Variants in C10orf143 observed in about 807,000 individuals in gnomAD.
The protein encoded by C10orf143 is uncharacterized protein C10orf143.
rs138028471 is a variant in C10orf143, at chr10:130,065,499, T to C, written c.298-1116A>G. On this transcript the variant is annotated intron_variant, in intron 3 of 3. Coordinates refer to ENST00000637128, the MANE Select transcript of C10orf143 (RefSeq NM_001355042.2). The surrounding 1 kb of genome is among the most constrained non-coding windows in gnomAD (Gnocchi z 4.2). The stretch of plus-strand genomic sequence containing the variant: ...AAGCTGTGGCGGCTGGAGCAGGGGC[T>C]TGTGGCGCACATGGCAGGGATGGGA... 5.7e-3 allele frequency: 873 copies of C among 153,036 alleles called. 7 individuals carry two copies. Among genetic ancestry groups the C allele is most frequent in the African/African-American group, 0.02 (813 of 41,520 alleles). The allele number at this position is 153,036 out of a possible 1,614,324, so 9.5% of individuals were successfully genotyped here.
chr10:130,106,855 T>A, intron 1 of C10orf143: 1 of 1,142,612 alleles, frequency 8.8e-7, no homozygotes, highest in Non-Finnish European at 1.3e-6. Flanking sequence ...TGACTGAACA[T>A]TTGCTAAAGA....
At chr10:130,082,674 C>T (rs1490707293) in intron 1 of C10orf143, among the ~76,000 whole-genome samples, 24 of 152,176 alleles carry the variant, frequency 1.6e-4, no homozygotes, top group Admixed American at 1.6e-3. Context: ...ACTTTGAGTC[C>T]ATTAAACTTC....
chr10:130,060,998 C>T (rs546286715), downstream of C10orf143, among the ~76,000 whole-genome samples: 27 of 152,136 alleles, frequency 1.8e-4, no homozygotes, highest in African/African-American at 5.5e-4. Context: ...ATTAGCCAGG[C>T]GTGGTGACAC....
intron 3 of C10orf143, among the ~76,000 whole-genome samples, chr10:130,044,286 C>A (rs1271442658): frequency 6.6e-6 from 1 of 152,168 alleles, no homozygotes; most frequent in South Asian, 2.1e-4. Flanking sequence ...GAGCTGGGAA[C>A]TGGAGGTGAG....
intron 3 of C10orf143, among the ~76,000 whole-genome samples, chr10:130,054,653 G>T (rs1469312076): frequency 1.3e-5 from 2 of 152,188 alleles, no homozygotes; most frequent in Non-Finnish European, 2.9e-5. Context: ...GGGTATGGCT[G>T]CCAATTTCTT....
At chr10:130,040,702 G>T (rs536134486) in intron 3 of C10orf143, among the ~76,000 whole-genome samples, 6 of 152,164 alleles carry the variant, frequency 3.9e-5, no homozygotes, top group African/African-American at 1.2e-4. Context: ...GCTTGGTGGC[G>T]GGTGCCTGTA....
chr10:130,100,118 G>C (rs981138209), intron 1 of C10orf143, among the ~76,000 whole-genome samples: 2 of 151,894 alleles, frequency 1.3e-5, no homozygotes, highest in African/African-American at 4.8e-5. Flanking sequence ...TTACAGGTGT[G>C]AGCCACCGCG....
intron 2 of C10orf143, 25 bp downstream of exon 2, chr10:130,079,712 T>C (rs993142256): frequency 2.5e-6 from 1 of 398,696 alleles, no homozygotes. Flanking sequence ...TGCTCACAAG[T>C]AGTTTGGTGG....
chr10:130,069,584 T>C (rs896747742), intron 3 of C10orf143, among the ~76,000 whole-genome samples: 1 of 151,364 alleles, frequency 6.6e-6, no homozygotes, highest in Non-Finnish European at 1.5e-5. Context: ...TGGATATTAG[T>C]TCTACTAGTC....
chr10:130,084,978 A>C (rs1313475978), intron 1 of C10orf143, among the ~76,000 whole-genome samples: 3 of 152,220 alleles, frequency 2.0e-5, no homozygotes, highest in African/African-American at 4.8e-5. Context: ...TAAATAAAAA[A>C]CAGCACTGGA....
chr10:130,103,360 C>T (rs967895579), intron 1 of C10orf143, among the ~76,000 whole-genome samples: 3 of 152,148 alleles, frequency 2.0e-5, no homozygotes, highest in African/African-American at 7.2e-5. Flanking sequence ...TTAGCTGGCA[C>T]ACTCCTGTAG....
chr10:130,107,201 T>G (rs1388132022), intron 1 of C10orf143: 1 of 1,379,274 alleles, frequency 7.3e-7, no homozygotes, highest in East Asian at 2.3e-5. Context: ...AATGACTGAA[T>G]TATATCAAGA....
At chr10:130,060,596 GAT>G (rs1276749241), downstream of C10orf143, among the ~76,000 whole-genome samples, 12 of 145,572 alleles carry the variant, frequency 8.2e-5, no homozygotes, top group Non-Finnish European at 1.7e-4. Flanking sequence ...GGCCAAGGCG[GAT>G]GGATCACAAG....
chr10:130,041,823 A>ACACT (rs67862975), intron 3 of C10orf143, among the ~76,000 whole-genome samples: 4 of 151,794 alleles, frequency 2.6e-5, no homozygotes, highest in Non-Finnish European at 5.9e-5. Flanking sequence ...GCACACACAC[A>ACACT]CACACACACA....
chr10:130,109,988 GCT>G (rs796885122), intron 1 of C10orf143, among the ~76,000 whole-genome samples: 2 of 152,266 alleles, frequency 1.3e-5, no homozygotes, highest in African/African-American at 4.8e-5. Context: ...ATGCCAAGCA[GCT>G]CTGTCTTCCA....
At position 130,065,861 on chromosome 10, in the gene C10orf143, G is replaced by T. The variant is rs2134746469; in HGVS notation, c.298-1478C>A. On this transcript the variant is annotated intron_variant, in intron 3 of 3. Coordinates refer to ENST00000637128, the MANE Select transcript of C10orf143 (RefSeq NM_001355042.2). This position sits in a 1 kb window ranked among gnomAD's most constrained non-coding sequence, Gnocchi z 4.2. Reference sequence around the variant, plus strand: ...CACGGCTCTGGGCTGTGCACTGAAGGGGCAGAGTCAGTGGAAGCCTGGGAG... The same window carrying T: ...CACGGCTCTGGGCTGTGCACTGAAGTGGCAGAGTCAGTGGAAGCCTGGGAG... 1 of 152,266 alleles carries T rather than the reference G, an allele frequency of 6.6e-6. No homozygotes were observed. The highest frequency in any genetic ancestry group is 2.4e-5 in the African/African-American group (1 of 41,552). The allele number at this position is 152,266 out of a possible 1,614,324, so 9.4% of individuals were successfully genotyped here. A position where few individuals can be genotyped will look rare whatever the true frequency, so the allele number is the denominator to read the frequency against.
At chr10:130,040,869 G>C (rs1860598881) in intron 3 of C10orf143, among the ~76,000 whole-genome samples, 1 of 149,866 alleles carries the variant, frequency 6.7e-6, no homozygotes, top group African/African-American at 2.4e-5. Context: ...CACAGTGGCA[G>C]GGCCTATGGC....
intron 3 of C10orf143, among the ~76,000 whole-genome samples, chr10:130,039,510 C>T (rs964516348): frequency 6.6e-6 from 1 of 152,112 alleles, no homozygotes; most frequent in African/African-American, 2.4e-5. Context: ...ACTCAGCCCT[C>T]GATGAGGTGG....
chr10:130,079,808 G>C lies in C10orf143; in HGVS notation c.163C>G (p.Arg55Gly). The change falls in exon 2 of 4, where the codon CGG becomes GGG. Residue 55 changes from arginine (R) to glycine (G), a missense_variant. By Grantham distance (125) the Arg-to-Gly change is moderately radical. Coordinates refer to ENST00000637128, the MANE Select transcript of C10orf143 (RefSeq NM_001355042.2). ...AGGCAGCCTCTTGATGGAAGCTCCC[G>C]GTCCTCTGGGCCCCAGGACGCCAGG... Reference protein sequence around the residue: ...CALASWGPEDRELPSRGCLPA... With the variant: ...CALASWGPEDGELPSRGCLPA... 2.5e-6 allele frequency: 1 copy of C among 398,642 alleles called. No individual in the cohort carries two copies. Among genetic ancestry groups the C allele is most frequent in the Non-Finnish European group, 4.4e-6 (1 of 226,076 alleles). 24.7% of individuals were successfully genotyped at this position (398,642 alleles called of 1,614,324 possible). A position where few individuals can be genotyped will look rare whatever the true frequency, so the allele number is the denominator to read the frequency against.
Sources: allele counts gnomAD v4.1 joint callset (sites outside exome capture counted in the v4.1 genomes callset), GRCh38; gene constraint gnomAD v4.1.1; non-coding constraint Gnocchi (gnomAD v3.1); transcripts MANE v1.5; gene names NCBI Gene and HGNC (gene_info 2026-07-23, HGNC 2026-07-21).